Variants in SLC26A7 observed in about 807,000 individuals in gnomAD.
The protein encoded by SLC26A7 is anion exchange transporter.
In SLC26A7, 59 loss-of-function variants were observed where a neutral mutation model predicts 82.5. The observed-to-expected ratio is 0.72, with a 90% CI of 0.58 to 0.89. The LOEUF (loss-of-function observed/expected upper bound fraction) is 0.89, where lower values mean the gene tolerates loss of function less well. Ranked by LOEUF, SLC26A7 falls within the 40% of genes least tolerant of loss-of-function variation. The pLI, the probability that SLC26A7 is intolerant of heterozygous loss-of-function variation, is 0.00. For synonymous variants in SLC26A7, 271 were observed against 274.3 expected (o/e 0.99, Z 0.12); for missense variants, 820 against 793.0 (o/e 1.03, Z -0.41).
intron 5 of SLC26A7, among the ~76,000 whole-genome samples, chr8:91,323,810 TTTC>T (rs1812859709): frequency 2.2e-5 from 3 of 137,660 alleles, no homozygotes. Context: ...CTTTCTCTTT[TTTC>T]TTATCTTTTT....
At chr8:91,221,886 A>G (rs1810165488) in intron 2 of SLC26A7, among the ~76,000 whole-genome samples, 1 of 149,650 alleles carries the variant, frequency 6.7e-6, no homozygotes, top group Non-Finnish European at 1.5e-5. Flanking sequence ...AATTTAAAAT[A>G]GTTTTTTTTT....
At chr8:91,211,614 A>AT (rs1171825217) in intron 1 of SLC26A7, among the ~76,000 whole-genome samples, 3,334 of 140,600 alleles carry the variant, frequency 0.024, 43 homozygotes, top group Middle Eastern at 0.071. Flanking sequence ...ATATATATAT[A>AT]TATTTTTTTT....
At chr8:91,364,173 G>A (rs184612084) in intron 13 of SLC26A7, among the ~76,000 whole-genome samples, 43 of 152,258 alleles carry the variant, frequency 2.8e-4, no homozygotes, top group African/African-American at 9.9e-4. Flanking sequence ...TTTAAAGTGA[G>A]GGTAAAATTG....
intron 2 of SLC26A7, among the ~76,000 whole-genome samples, chr8:91,281,718 C>T (rs1269602319): frequency 6.6e-6 from 1 of 152,060 alleles, no homozygotes; most frequent in South Asian, 2.1e-4. Context: ...TCTTCTGGTA[C>T]CTTGGAGAAT....
chr8:91,329,169 C>A (rs1463794629), intron 5 of SLC26A7, among the ~76,000 whole-genome samples: 3 of 151,982 alleles, frequency 2.0e-5, no homozygotes, highest in Non-Finnish European at 4.4e-5. Context: ...GGATTTATAC[C>A]AGAAATTAGA....
At chr8:91,342,065 C>A (rs547565871) in intron 8 of SLC26A7, among the ~76,000 whole-genome samples, 2 of 151,906 alleles carry the variant, frequency 1.3e-5, no homozygotes, top group African/African-American at 4.8e-5. Flanking sequence ...GTAGCTGAGA[C>A]TTCAGGCATG....
At position 91,363,938 on chromosome 8, in the gene SLC26A7, ATTG is replaced by A. The variant is rs1407147682; in HGVS notation, c.1488+403_1488+405del. Among the ~76,000 whole-genome samples the A allele has an allele frequency of 4.7e-3, 611 of 131,068 alleles. 5 individuals carry two copies. The highest frequency in any genetic ancestry group is 0.018 in the African/African-American group (553 of 30,886). 86.0% of individuals were successfully genotyped at this position (131,068 alleles called of 152,430 possible). ...GAATGAAGCAAATTTGGTTCATGGT[ATTG>A]TTTTTTTTTTTTTTTTTCTTAACTC... On this transcript the variant is annotated intron_variant, in intron 13 of 18. Transcript: ENST00000276609.
intron 4 of SLC26A7, among the ~76,000 whole-genome samples, chr8:91,302,510 T>A (rs1199173860): frequency 6.6e-6 from 1 of 152,158 alleles, no homozygotes; most frequent in African/African-American, 2.4e-5. Flanking sequence ...AATAATGTAA[T>A]GTGATAGTTT....
chr8:91,364,028 G>T (rs377240112), intron 13 of SLC26A7, among the ~76,000 whole-genome samples: 50 of 149,666 alleles, frequency 3.3e-4, no homozygotes, highest in African/African-American at 1.1e-3. Flanking sequence ...AATGCCAATA[G>T]AATTGGTTTC....
chr8:91,348,691 T>G (rs1046861237), intron 9 of SLC26A7, among the ~76,000 whole-genome samples: 10 of 148,746 alleles, frequency 6.7e-5, no homozygotes, highest in African/African-American at 2.0e-4. Context: ...TGAAACTTAT[T>G]AAGAAGGAGC....
At chr8:91,340,076 C>T (rs994224852) in intron 7 of SLC26A7, among the ~76,000 whole-genome samples, 5 of 152,046 alleles carry the variant, frequency 3.3e-5, no homozygotes, top group South Asian at 2.1e-4. Context: ...TGGAAAGGTT[C>T]GAATGAAAGA....
intron 14 of SLC26A7, among the ~76,000 whole-genome samples, chr8:91,369,355 T>G (rs980831667): frequency 1.9e-4 from 23 of 120,284 alleles, no homozygotes; most frequent in African/African-American, 7.2e-4. Context: ...AGATTAACTG[T>G]AGGATACAGA....
chr8:91,272,764 G>A lies in SLC26A7; in HGVS notation c.194-16372G>A, dbSNP rs773871138. Reference sequence around the variant, plus strand: ...AGAGTTTGGGTTGATTTTAGAAGGCGATGGAGAGCCATTGGTGGATCTTAA... The same window carrying A: ...AGAGTTTGGGTTGATTTTAGAAGGCAATGGAGAGCCATTGGTGGATCTTAA... On this transcript the variant is annotated intron_variant, in intron 2 of 18. Transcript: ENST00000276609. Among the ~76,000 whole-genome samples, 8 of 152,196 alleles carry A rather than the reference G, an allele frequency of 5.3e-5. No homozygotes were observed. The East Asian group carries it at 9.6e-4, about 18-fold the overall frequency.
intron 9 of SLC26A7, among the ~76,000 whole-genome samples, chr8:91,344,475 T>C (rs948102876): frequency 7.9e-5 from 12 of 152,298 alleles, no homozygotes; most frequent in African/African-American, 2.6e-4. Flanking sequence ...CAAACATTCA[T>C]TGGGAGTCTT....
intron 5 of SLC26A7, among the ~76,000 whole-genome samples, chr8:91,324,972 G>A (rs1464251380): frequency 2.0e-5 from 3 of 152,122 alleles, no homozygotes; most frequent in African/African-American, 7.2e-5. Flanking sequence ...AAGACAGAAT[G>A]GGTTTGCTTC....
At chr8:91,228,391 G>A (rs1810266079) in intron 2 of SLC26A7, among the ~76,000 whole-genome samples, 1 of 152,316 alleles carries the variant, frequency 6.6e-6, no homozygotes, top group East Asian at 1.9e-4. Context: ...CCATCCACGG[G>A]CAGCTGAGAG....
At chr8:91,252,995 A>G (rs537119676) in intron 2 of SLC26A7, among the ~76,000 whole-genome samples, 9 of 151,906 alleles carry the variant, frequency 5.9e-5, no homozygotes, top group Non-Finnish European at 1.2e-4. Flanking sequence ...AAATATGCTA[A>G]CCTAGAATGT....
chr8:91,383,723 C>G (rs1232563019), intron 15 of SLC26A7, among the ~76,000 whole-genome samples: 3 of 152,150 alleles, frequency 2.0e-5, no homozygotes, highest in African/African-American at 7.2e-5. Context: ...CGAAGAGGCA[C>G]TCTGTTGAGG....
intron 2 of SLC26A7, among the ~76,000 whole-genome samples, chr8:91,225,650 T>G (rs55739646): frequency 6.0e-4 from 66 of 110,922 alleles, no homozygotes; most frequent in Non-Finnish European, 7.2e-4. Flanking sequence ...AGTGTTTTTT[T>G]TTTTTTTTTT....
Sources: gnomAD v4.1 joint callset for allele counts (sites outside exome capture counted in the v4.1 genomes callset) on GRCh38, gnomAD v4.1.1 for gene constraint, MANE v1.5 for transcripts, NCBI Gene and HGNC (gene_info 2026-07-23, HGNC 2026-07-21) for gene names.